The following DGKH variants were observed in gnomAD, a reference collection of about 807,000 sequenced individuals.
The protein encoded by DGKH is diacylglycerol kinase eta.
In DGKH, 90 loss-of-function variants were observed where a neutral mutation model predicts 159.3. That is an observed-to-expected ratio of 0.57 (90% CI 0.48 to 0.67). The LOEUF is 0.67. Among genes scored for constraint, DGKH ranks in the 30% least tolerant of loss-of-function variants. The probability of loss-of-function intolerance (pLI) is 0.00; values close to 1 mark genes in which losing one functional copy is unlikely to be tolerated. For missense variants in DGKH, 1,181 were observed against 1,506.1 expected (o/e 0.78, Z 3.57); for synonymous variants, 536 against 553.8 (o/e 0.97, Z 0.45).
chr13:42,090,045 A>T (rs534880238), intron 1 of DGKH, among the ~76,000 whole-genome samples: 1 of 152,330 alleles, frequency 6.6e-6, no homozygotes, highest in African/African-American at 2.4e-5. Flanking sequence ...AACCCTAATT[A>T]TAATATATTT....
Position 42,199,857 on chromosome 13 carries a change from G to A in DGKH, c.2441G>A (p.Arg814Gln), listed in dbSNP as rs866688959. 10 of 1,612,522 alleles carry A rather than the reference G, an allele frequency of 6.2e-6. No individual in the cohort carries two copies. The highest frequency in any genetic ancestry group is 1.6e-4 in the Middle Eastern group (1 of 6,066). ...NLMWYGVLGT[R>Q]ELLQRSYKNL... The stretch of plus-strand genomic sequence containing the variant: ...ATGTGGTATGGAGTCCTTGGAACCC[G>A]GGAGTTATTACAGAGATCGTACAAG... The change falls in exon 20 of 30, where the codon CGG becomes CAG. Residue 814 changes from arginine (R) to glutamine (Q), a missense_variant. Around this residue, in one of 5 missense-constraint regions of DGKH, gnomAD observed 335 missense variants for 495.2 expected, o/e 0.68. Coordinates refer to ENST00000337343, the MANE Select transcript of DGKH (RefSeq NM_178009.5).
intron 3 of DGKH, among the ~76,000 whole-genome samples, chr13:42,142,485 G>T (rs962807374): frequency 2.0e-5 from 3 of 151,294 alleles, no homozygotes; most frequent in African/African-American, 7.3e-5. Context: ...ATTACCTTGG[G>T]CAGTATGGCC....
At chr13:42,069,481 C>T (rs1882812871) in intron 1 of DGKH, 1 of 1,560,302 alleles carries the variant, frequency 6.4e-7, no homozygotes, top group Admixed American at 1.7e-5. Context: ...ATGTTGGAAA[C>T]TAAATTGAAT....
intron 29 of DGKH, among the ~76,000 whole-genome samples, chr13:42,224,608 A>T (rs1330149828): frequency 6.6e-6 from 1 of 152,166 alleles, no homozygotes; most frequent in East Asian, 1.9e-4. Context: ...ATTTCTAGGG[A>T]ATAAAAACTC....
chr13:42,063,733 A>T (rs1164634341), intron 1 of DGKH, among the ~76,000 whole-genome samples: 2 of 152,118 alleles, frequency 1.3e-5, no homozygotes, highest in Non-Finnish European at 2.9e-5. Flanking sequence ...TGAGGTCAGG[A>T]GTTCGAGACC....
At chr13:42,195,353 T>C (rs548093149) in intron 17 of DGKH, among the ~76,000 whole-genome samples, 1 of 152,094 alleles carries the variant, frequency 6.6e-6, no homozygotes, top group East Asian at 1.9e-4. Flanking sequence ...TACAAAAAAA[T>C]TAGCTAAGTG....
intron 23 of DGKH, 33 bp downstream of exon 23, chr13:42,209,498 T>G: frequency 1.3e-6 from 2 of 1,528,878 alleles, no homozygotes; most frequent in Non-Finnish European, 1.8e-6. Flanking sequence ...TAGAATATTG[T>G]CAGGTTTTTA....
At chr13:42,127,653 C>A in intron 2 of DGKH, 80 bp downstream of exon 2, 1 of 1,032,242 alleles carries the variant, frequency 9.7e-7, no homozygotes, top group Non-Finnish European at 1.5e-6. Flanking sequence ...CTGTTTTTGT[C>A]TTGGAAGCGC....
At chr13:42,143,087 T>C (rs1315275848) in intron 3 of DGKH, among the ~76,000 whole-genome samples, 1 of 145,540 alleles carries the variant, frequency 6.9e-6, no homozygotes, top group Non-Finnish European at 1.5e-5. Context: ...ACCTAATTTT[T>C]TTGAGAGTTT....
At chr13:42,177,617 G>A (rs1336961969) in intron 12 of DGKH, among the ~76,000 whole-genome samples, 1 of 152,164 alleles carries the variant, frequency 6.6e-6, no homozygotes, top group Non-Finnish European at 1.5e-5. Context: ...CATCAGCAGC[G>A]TTTGAGAATT....
chr13:42,182,360 C>T (rs1301351624), intron 13 of DGKH, among the ~76,000 whole-genome samples: 1 of 152,232 alleles, frequency 6.6e-6, no homozygotes, highest in Non-Finnish European at 1.5e-5. Flanking sequence ...TCTCTAAGAA[C>T]ATCCTGAAAA....
intron 1 of DGKH, among the ~76,000 whole-genome samples, chr13:42,084,778 T>C (rs143460559): frequency 0.015 from 2,300 of 152,208 alleles, 63 homozygotes; most frequent in African/African-American, 0.05. Context: ...GGGTTGGTAG[T>C]GTCTGGCAAA....
In DGKH at chr13:42,141,051, CT is replaced by C. The variant is rs1016134128; in HGVS notation, c.384+11420del. Among the ~76,000 whole-genome samples, 62 of 8,036 alleles carry C rather than the reference CT, an allele frequency of 7.7e-3. 7 individuals carry two copies. Among genetic ancestry groups the C allele is most frequent in the African/African-American group, 0.015 (61 of 4,190 alleles). 5.3% of individuals were successfully genotyped at this position (8,036 alleles called of 152,430 possible). ...ACCCTCCTAATGCTATCCCTCCCCC[CT>C]CCCACCAACCCCACAACAGGCCCCA... is the stretch of plus-strand genomic sequence containing the variant. On this transcript the variant is annotated intron_variant, in intron 3 of 29. Coordinates refer to ENST00000337343, the MANE Select transcript of DGKH (RefSeq NM_178009.5).
chr13:42,145,829 G>A (rs1182809383), intron 3 of DGKH, among the ~76,000 whole-genome samples: 1 of 152,136 alleles, frequency 6.6e-6, no homozygotes, highest in African/African-American at 2.4e-5. Context: ...TAGCTACTGG[G>A]GGAGTAACTA....
intron 1 of DGKH, among the ~76,000 whole-genome samples, chr13:42,041,517 G>A (rs146396220): frequency 1.3e-5 from 2 of 152,356 alleles, no homozygotes; most frequent in Admixed American, 1.3e-4. Context: ...GCAACGCGGA[G>A]GTTGAGTAAT....
chr13:42,165,268 T>A (rs1029662362), intron 7 of DGKH, 63 bp from the exon 8 acceptor site: 27 of 846,368 alleles, frequency 3.2e-5, no homozygotes, highest in Non-Finnish European at 4.8e-5. Context: ...GTTCCTTAGA[T>A]GTGATTTATA....
At chr13:42,244,170 T>A (rs1958557598), downstream of DGKH, among the ~76,000 whole-genome samples, 1 of 152,134 alleles carries the variant, frequency 6.6e-6, no homozygotes, top group Non-Finnish European at 1.5e-5. Context: ...GGATACATCA[T>A]GTTGGAGAGA....
At chr13:42,121,462 TGAG>T (rs1461991903) in intron 1 of DGKH, among the ~76,000 whole-genome samples, 1 of 152,200 alleles carries the variant, frequency 6.6e-6, no homozygotes, top group Non-Finnish European at 1.5e-5. Flanking sequence ...CATTGTAACT[TGAG>T]GAGCATCTGT....
At position 42,160,189 on chromosome 13, in the gene DGKH, T is replaced by C. The variant is rs1956146172; in HGVS notation, c.855+53T>C. On this transcript the variant is annotated intron_variant, in intron 7 of 29. Coordinates refer to ENST00000337343, the MANE Select transcript of DGKH (RefSeq NM_178009.5). ...TTTTAATTAGCTTCTTTCCCTAACT[T>C]TGTCATCCACGTGGTTTAGAGGCAA... is the stretch of plus-strand genomic sequence containing the variant. 6.2e-6 allele frequency: 10 copies of C among 1,612,306 alleles called. No individual in the cohort carries two copies. The Admixed American group carries it at 1.7e-4, about 27-fold the overall frequency.
Sources: allele counts gnomAD v4.1 joint callset (sites outside exome capture counted in the v4.1 genomes callset), GRCh38; gene constraint gnomAD v4.1.1; regional missense constraint gnomAD v4.1.1; transcripts MANE v1.5; gene names NCBI Gene and HGNC (gene_info 2026-07-23, HGNC 2026-07-21).